The following PBRM1 variants were observed in gnomAD, a reference collection of about 807,000 sequenced individuals.
The protein encoded by PBRM1 is protein polybromo-1.
Under a neutral mutation model 194.5 loss-of-function variants are expected in PBRM1, and 27 were observed. That is an observed-to-expected ratio of 0.14 (90% CI 0.10 to 0.19). PBRM1 has a LOEUF of 0.19. Among genes scored for constraint, PBRM1 ranks in the 10% least tolerant of loss-of-function variants. The pLI, the probability that PBRM1 is intolerant of heterozygous loss-of-function variation, is 1.00. For synonymous variants in PBRM1, 655 were observed against 693.2 expected (o/e 0.94, Z 0.87); for missense variants, 1,466 against 2,077.2 (o/e 0.71, Z 5.72).
At chr3:52,659,691 G>A (rs182129002) in intron 4 of PBRM1, among the ~76,000 whole-genome samples, 96 of 152,206 alleles carry the variant, frequency 6.3e-4, no homozygotes, top group Middle Eastern at 3.4e-3. Context: ...CTAAAGTGTT[G>A]GGATTGCAGG....
intron 29 of PBRM1, among the ~76,000 whole-genome samples, chr3:52,549,802 G>A (rs1200621810): frequency 6.6e-6 from 1 of 152,056 alleles, no homozygotes; most frequent in Non-Finnish European, 1.5e-5. Context: ...CTGCTCAGGA[G>A]GCTAAGACAC....
chr3:52,581,285 G>A (rs4687630), intron 20 of PBRM1, among the ~76,000 whole-genome samples: 52,037 of 152,034 alleles, frequency 0.34, 9,924 homozygotes, highest in Admixed American at 0.46. Flanking sequence ...CAAGGCAGGC[G>A]GATCACTTGA....
At chr3:52,588,168 C>G (rs906392013) in intron 18 of PBRM1, among the ~76,000 whole-genome samples, 1 of 152,170 alleles carries the variant, frequency 6.6e-6, no homozygotes, top group East Asian at 1.9e-4. Flanking sequence ...AGATATGCTA[C>G]TGAAGGACAT....
chr3:52,609,419 T>G lies in PBRM1; in HGVS notation c.2461A>C (p.Thr821Pro), dbSNP rs1691364160. 1 of 1,613,670 alleles carries G rather than the reference T, an allele frequency of 6.2e-7. No individual in the cohort carries two copies. The highest frequency in any genetic ancestry group is 8.5e-7 in the Non-Finnish European group (1 of 1,179,694). The change falls in exon 16 of 30, where the codon ACA (threonine) becomes CCA (proline). Residue 821 changes from threonine (T) to proline (P), a missense_variant. Thr to Pro is a conservative substitution (Grantham distance 38, BLOSUM62 -1). Around this residue, in one of 5 missense-constraint regions of PBRM1, gnomAD observed 687 missense variants for 946.2 expected, o/e 0.73. Transcript: ENST00000296302. The surrounding 1 kb of genome is among the most constrained non-coding windows in gnomAD (Gnocchi z 4.1). ...ACATTCTTCCTAATTATGTCAAATG[T>G]AAGGGGTGGTTTGTTAGGAAAGTTG...
rs757958160 is a variant in PBRM1 at position 52,587,310 on chromosome 3, C to T, written c.3123+43G>A. On this transcript the variant is annotated intron_variant, in intron 19 of 29. Transcript: ENST00000296302. Reference sequence around the variant, plus strand: ...ATTTTCTGTGTTTTAAAATTTTATTCCTAGGGAATGAGTGAGACTTTGGGA... The same window carrying T: ...ATTTTCTGTGTTTTAAAATTTTATTTCTAGGGAATGAGTGAGACTTTGGGA... 6.5e-6 allele frequency: 9 copies of T among 1,377,426 alleles called. 1 individual carries two copies. The South Asian group carries it at 1.1e-4, about 17-fold the overall frequency. 85.3% of individuals were successfully genotyped at this position (1,377,426 alleles called of 1,614,324 possible).
intron 3 of PBRM1, 122 bp downstream of exon 4, chr3:52,668,376 A>G: frequency 1.6e-6 from 1 of 640,964 alleles, no homozygotes; most frequent in South Asian, 2.0e-5. Flanking sequence ...GAATAAGACA[A>G]ATGCGAACTC....
At chr3:52,559,817 T>C (rs189575362) in intron 25 of PBRM1, among the ~76,000 whole-genome samples, 1 of 150,732 alleles carries the variant, frequency 6.6e-6, no homozygotes, top group South Asian at 2.1e-4. Flanking sequence ...CGAAGGCCAT[T>C]TGAACAAACT....
intron 13 of PBRM1, among the ~76,000 whole-genome samples, chr3:52,619,959 T>C (rs1330719039): frequency 6.6e-6 from 1 of 152,252 alleles, no homozygotes; most frequent in African/African-American, 2.4e-5. Context: ...TATTTCCTGC[T>C]CATTGTGGAC....
intron 2 of PBRM1, among the ~76,000 whole-genome samples, chr3:52,675,284 C>G (rs1253723261): frequency 6.6e-6 from 1 of 152,154 alleles, no homozygotes; most frequent in African/African-American, 2.4e-5. Flanking sequence ...TCTAACCAGA[C>G]ATTTCAAGAA....
At chr3:52,564,419 T>A (rs1472639679) in intron 22 of PBRM1, among the ~76,000 whole-genome samples, 186 bp from the exon 25 acceptor site, 1 of 152,070 alleles carries the variant, frequency 6.6e-6, no homozygotes, top group East Asian at 1.9e-4. Context: ...AGTGGGCAGA[T>A]CTCTTGAGCT....
At chr3:52,550,687 G>T in intron 28 of PBRM1, 50 bp from the exon 31 acceptor site, 1 of 1,584,456 alleles carries the variant, frequency 6.3e-7, no homozygotes, top group Admixed American at 1.7e-5. Flanking sequence ...CTCTGCACAT[G>T]TTCTGAGAAG....
At chr3:52,653,994 G>A (rs1200551491) in intron 5 of PBRM1, among the ~76,000 whole-genome samples, 1 of 152,208 alleles carries the variant, frequency 6.6e-6, no homozygotes, top group East Asian at 1.9e-4. Flanking sequence ...ACATGTTGAG[G>A]AATGTCCTTG....
At chr3:52,570,285 C>T (rs528280226) in intron 22 of PBRM1, among the ~76,000 whole-genome samples, 1 of 152,084 alleles carries the variant, frequency 6.6e-6, no homozygotes, top group East Asian at 1.9e-4. Flanking sequence ...CCAGAACATC[C>T]CTATTTTGCT....
intron 14 of PBRM1, 24 bp downstream of exon 16, chr3:52,617,238 T>C: frequency 6.2e-7 from 1 of 1,605,888 alleles, no homozygotes; most frequent in Non-Finnish European, 8.5e-7. Flanking sequence ...ATGTGCCTAC[T>C]TCAGGACCGC....
At position 52,636,500 on chromosome 3, in the gene PBRM1, G is replaced by A. The variant is rs1204398659; in HGVS notation, c.1088-1685C>T. On this transcript the variant is annotated intron_variant, in intron 10 of 29. Coordinates refer to ENST00000296302, the Ensembl canonical transcript of PBRM1. ...AGGCTGGGCACGGTGGCTCATGCCT[G>A]TAATCCCAGCACTTTGGGAGGCCAA... Among the ~76,000 whole-genome samples the A allele has an allele frequency of 5.3e-5, 8 of 151,616 alleles. 1 individual carries two copies. In the East Asian group the frequency reaches 1.6e-3, roughly 30 times the overall value.
chr3:52,684,239 G>A (rs1467171840), upstream of PBRM1, among the ~76,000 whole-genome samples: 1 of 150,050 alleles, frequency 6.7e-6, no homozygotes, highest in Non-Finnish European at 1.5e-5. Context: ...TCCATGAAGA[G>A]GAAAGACAGA....
At chr3:52,601,703 TAGC>T (rs2094005354) in intron 17 of PBRM1, among the ~76,000 whole-genome samples, 2 of 152,100 alleles carry the variant, frequency 1.3e-5, no homozygotes, top group African/African-American at 2.4e-5. Flanking sequence ...GCACTGGTGT[TAGC>T]AGGTCCAGGC....
chr3:52,633,159 C>T (rs1029579013), intron 11 of PBRM1, among the ~76,000 whole-genome samples: 1 of 152,010 alleles, frequency 6.6e-6, no homozygotes, highest in Non-Finnish European at 1.5e-5. Flanking sequence ...TTCCCCTAGT[C>T]CCTGGCAACT....
chr3:52,555,510 T>A (rs1455005566), intron 26 of PBRM1, among the ~76,000 whole-genome samples: 2 of 152,156 alleles, frequency 1.3e-5, no homozygotes, highest in Non-Finnish European at 2.9e-5. Flanking sequence ...GATATTTCCT[T>A]CTTTAGATCT....
Sources: gnomAD v4.1 joint callset for allele counts (sites outside exome capture counted in the v4.1 genomes callset) on GRCh38, gnomAD v4.1.1 for gene constraint, gnomAD v4.1.1 regional missense constraint, Gnocchi (gnomAD v3.1) non-coding constraint, MANE v1.5 for transcripts, NCBI Gene and HGNC (gene_info 2026-07-23, HGNC 2026-07-21) for gene names.